The following GINS1 variants were observed in gnomAD, a reference collection of about 807,000 sequenced individuals.
The protein encoded by GINS1 is GINS complex subunit 1, also known as DNA replication complex GINS protein PSF1.
GINS1 carries 26 observed loss-of-function variants against 34.9 expected under a neutral mutation model. That is an observed-to-expected ratio of 0.74 (90% confidence interval 0.55 to 1.03). The LOEUF is 1.03. Among genes scored for constraint, GINS1 ranks in the 50% least tolerant of loss-of-function variants. The pLI, the probability that GINS1 is intolerant of heterozygous loss-of-function variation, is 0.00. For missense variants in GINS1, 235 were observed against 237.9 expected (o/e 0.99, Z 0.08); for synonymous variants, 97 against 84.4 (o/e 1.15, Z -0.82).
intron 1 of GINS1, among the ~76,000 whole-genome samples, chr20:25,412,608 T>C (rs369706999): frequency 1.3e-4 from 20 of 152,336 alleles, no homozygotes; most frequent in African/African-American, 4.8e-4. Flanking sequence ...TTTTTCTTTA[T>C]ACCTCATGCT....
intron 1 of GINS1, chr20:25,408,904 C>T (rs1444766173): frequency 1.0e-5 from 10 of 982,894 alleles, no homozygotes; most frequent in Non-Finnish European, 1.1e-5. Context: ...TGTCAGGACA[C>T]ATTCTGCTGG....
intron 4 of GINS1, among the ~76,000 whole-genome samples, chr20:25,419,102 G>A (rs2090338758): frequency 1.3e-5 from 2 of 152,182 alleles, no homozygotes; most frequent in Non-Finnish European, 2.9e-5. Context: ...ATGAGGGAGA[G>A]AGGCCCACCA....
intron 5 of GINS1, among the ~76,000 whole-genome samples, chr20:25,430,772 C>T (rs1402504456): frequency 6.6e-6 from 1 of 152,214 alleles, no homozygotes; most frequent in Non-Finnish European, 1.5e-5. Flanking sequence ...TCAGGTGATC[C>T]TCCCGCCTTG....
rs148384099 is a variant in GINS1, at chr20:25,425,112, G to C, written c.331-99G>C. On this transcript the variant is annotated intron_variant, in intron 4 of 6. Transcript: ENST00000262460. ...CATTAATGAATGAATGGTCACAACA[G>C]TGATTTGTGTTGGGATGTGTACTGT... 1.8e-3 allele frequency: 1,146 copies of C among 644,834 alleles called. 3 individuals are homozygous for C. Among genetic ancestry groups the C allele is most frequent in the Non-Finnish European group, 2.8e-3 (1,010 of 354,754 alleles). 39.9% of individuals were successfully genotyped at this position (644,834 alleles called of 1,614,324 possible).
rs117337796 is a variant in GINS1 at position 25,444,846 on chromosome 20, C to T, written c.523-1077C>T. 2.6e-5 allele frequency among the ~76,000 whole-genome samples: 4 copies of T among 152,306 alleles called. No homozygotes were observed. In the East Asian group the frequency reaches 5.8e-4, roughly 22 times the overall value. On this transcript the variant is annotated intron_variant, in intron 6 of 6. Coordinates refer to ENST00000262460, the MANE Select transcript of GINS1 (RefSeq NM_021067.5). ...TCCCATGTACCATGTGAATAGCACC[C>T]ACGCGGTGGGTCATGAATACTTTTC...
intron 5 of GINS1, among the ~76,000 whole-genome samples, chr20:25,428,700 G>A (rs1045515208): frequency 6.6e-6 from 1 of 151,762 alleles, no homozygotes; most frequent in East Asian, 1.9e-4. Flanking sequence ...CACCGCACCC[G>A]GCCTCCAAGC....
Position 25,445,950 on chromosome 20 carries a change from C to CA in GINS1, c.551dup (p.Leu185AlafsTer43), listed in dbSNP as rs1228468149. ...CTTTTTACCTCGATGGAAATGTGAG[C>CA]AGCTGATCAGACAAGGAGTCCTGGA... On this transcript the variant is annotated frameshift_variant, in exon 7 of 7. Transcript: ENST00000262460. LOFTEE classifies it high-confidence loss of function. The CA allele has an allele frequency of 6.2e-7, 1 of 1,611,050 alleles. No homozygotes were observed. Among genetic ancestry groups the CA allele is most frequent in the African/African-American group, 1.3e-5 (1 of 74,830 alleles).
chr20:25,437,558 AGTT>A (rs774378772), intron 5 of GINS1, among the ~76,000 whole-genome samples: 3 of 152,364 alleles, frequency 2.0e-5, no homozygotes, highest in East Asian at 1.9e-4. Context: ...CTGCCCGTGC[AGTT>A]GTTGTGGAGG....
chr20:25,442,370 G>GTCTA (rs944452825), intron 6 of GINS1, among the ~76,000 whole-genome samples: 3,339 of 131,264 alleles, frequency 0.025, 52 homozygotes, highest in Non-Finnish European at 0.037. Context: ...CTGTCTGTCT[G>GTCTA]TCTATCTATC....
Position 25,441,685 on chromosome 20 carries a change from C to A in GINS1, c.448-17C>A. 7.4e-7 allele frequency: 1 copy of A among 1,343,518 alleles called. No individual in the cohort carries two copies. Among genetic ancestry groups the A allele is most frequent in the Non-Finnish European group, 1.1e-6 (1 of 951,286 alleles). The allele number at this position is 1,343,518 out of a possible 1,614,324, so 83.2% of individuals were successfully genotyped here. On this transcript the variant is annotated splice_polypyrimidine_tract_variant and intron_variant, in intron 5 of 6. Transcript: ENST00000262460. Reference sequence around the variant, plus strand: ...AAAAACTAATTTAGATAAAACATCTCTCATTTTTTCTTTCAGGTCCGGTGT... The same window carrying A: ...AAAAACTAATTTAGATAAAACATCTATCATTTTTTCTTTCAGGTCCGGTGT...
At position 25,447,522 on chromosome 20, in the gene GINS1, T is replaced by A. The variant is rs2090519252; in HGVS notation, c.*1531T>A. On this transcript the variant is annotated 3_prime_UTR_variant, in exon 7 of 7. Transcript: ENST00000262460. ...TATATGTGGGTTTATTTCAGGACTC[T>A]GTTTTGTTCCATTGACCTGTTTTTC... The A allele has an allele frequency of 6.6e-6, 1 of 152,258 alleles. No individual in the cohort carries two copies. The highest frequency in any genetic ancestry group is 1.5e-5 in the Non-Finnish European group (1 of 68,052). The allele number at this position is 152,258 out of a possible 1,614,324, so 9.4% of individuals were successfully genotyped here. A position where few individuals can be genotyped will look rare whatever the true frequency, so the allele number is the denominator to read the frequency against.
intron 1 of GINS1, among the ~76,000 whole-genome samples, chr20:25,410,645 C>T (rs1252069016): frequency 6.6e-6 from 1 of 150,878 alleles, no homozygotes; most frequent in East Asian, 2.0e-4. Flanking sequence ...TCACTGCAAC[C>T]TCCGCCTTCT....
intron 1 of GINS1, among the ~76,000 whole-genome samples, chr20:25,412,421 G>T (rs1394953576): frequency 1.3e-5 from 2 of 151,756 alleles, no homozygotes; most frequent in Non-Finnish European, 2.9e-5. Context: ...CAGGCGTGGT[G>T]GTGGGCGCCT....
chr20:25,421,868 GACAAAGTAGAAAAGACCACAGTGGAA>G (rs768834836), intron 4 of GINS1, among the ~76,000 whole-genome samples: 13 of 152,050 alleles, frequency 8.5e-5, no homozygotes, highest in Non-Finnish European at 1.6e-4. Flanking sequence ...TCTCAGTGGA[GACAAAGTAGAAAAGACCACAGTGGAA>G]ACACCCATGT....
At chr20:25,413,486 GTA>G in intron 1 of GINS1, 1 of 291,446 alleles carries the variant, frequency 3.4e-6, no homozygotes, top group Admixed American at 4.7e-5. Flanking sequence ...GTTTTCTTGA[GTA>G]TATATATACA....
intron 4 of GINS1, chr20:25,420,805 G>T: frequency 1.4e-5 from 12 of 877,306 alleles, no homozygotes; most frequent in Non-Finnish European, 1.5e-5. Context: ...AAGAAAAAAA[G>T]AAAAAGAATA....
Position 25,417,097 on chromosome 20 carries a change from C to G in GINS1, c.141-7C>G. The G allele has an allele frequency of 7.4e-7, 1 of 1,356,826 alleles. No homozygotes were observed. Among genetic ancestry groups the G allele is most frequent in the Non-Finnish European group, 1.0e-6 (1 of 953,822 alleles). The allele number at this position is 1,356,826 out of a possible 1,614,324, so 84.0% of individuals were successfully genotyped here. On this transcript the variant is annotated splice_polypyrimidine_tract_variant and splice_region_variant and intron_variant, in intron 2 of 6. Transcript: ENST00000262460. ...ATATTTTTTTTCTTTTTAAATGCTCCTATCAGGAATGAAGCAAAGTCAGGT... is the reference window on the plus strand; with the variant it reads ...ATATTTTTTTTCTTTTTAAATGCTCGTATCAGGAATGAAGCAAAGTCAGGT...
intron 1 of GINS1, chr20:25,413,469 G>GT (rs748814528): frequency 2.2e-4 from 53 of 236,126 alleles, no homozygotes; most frequent in Admixed American, 2.1e-4. Flanking sequence ...AAAAACATGT[G>GT]TTTTCTGTTT....
intron 5 of GINS1, among the ~76,000 whole-genome samples, chr20:25,428,907 T>C (rs2146210164): frequency 6.6e-6 from 1 of 152,086 alleles, no homozygotes; most frequent in East Asian, 1.9e-4. Context: ...GTATTTCGAT[T>C]GTTGTAGCTT....
Sources: gnomAD v4.1 joint callset for allele counts (sites outside exome capture counted in the v4.1 genomes callset) on GRCh38, gnomAD v4.1.1 for gene constraint, MANE v1.5 for transcripts, NCBI Gene and HGNC (gene_info 2026-07-23, HGNC 2026-07-21) for gene names.